The following NRXN3 variants were observed in gnomAD, a reference collection of about 807,000 sequenced individuals.
NRXN3 encodes neurexin III.
In NRXN3, 32 loss-of-function variants were observed where a neutral mutation model predicts 137.6. That is an observed-to-expected ratio of 0.23 (90% CI 0.18 to 0.31). The LOEUF (loss-of-function observed/expected upper bound fraction) is 0.31. Among genes scored for constraint, NRXN3 ranks in the 10% least tolerant of loss-of-function variants. The probability of loss-of-function intolerance (pLI) is 1.00; values close to 1 mark genes in which losing one functional copy is unlikely to be tolerated. For missense variants in NRXN3, 1,574 were observed against 2,062.5 expected (o/e 0.76, Z 4.59); for synonymous variants, 798 against 784.5 (o/e 1.02, Z -0.29).
chr14:78,544,807 G>C (rs1219615559), intron 4 of NRXN3, among the ~76,000 whole-genome samples: 1 of 152,158 alleles, frequency 6.6e-6, no homozygotes, highest in Non-Finnish European at 1.5e-5. Context: ...TGCATGACCT[G>C]CCAAATCTGA....
chr14:78,967,153 A>C (rs1256844090), intron 12 of NRXN3, 55 bp from the exon 13 acceptor site: 1 of 1,522,218 alleles, frequency 6.6e-7, no homozygotes, highest in East Asian at 2.4e-5. Context: ...ACATATAGCC[A>C]TTAAACCACT....
intron 1 of NRXN3, among the ~76,000 whole-genome samples, chr14:78,182,052 G>C (rs1020960711): frequency 6.7e-6 from 1 of 148,916 alleles, no homozygotes. Flanking sequence ...TATGATGAGT[G>C]TTCTGAAGGC....
Position 78,967,394 on chromosome 14 carries a change from G to A in NRXN3, c.2964G>A (p.Leu988=). ...QVINGAKNLD[L]KGDLYMAGLA... Reference sequence around the variant, plus strand: ...TCAATGGTGCCAAAAATCTGGATTTGAAAGGTAAACCTTGTAAAGAAATTT... The same window carrying A: ...TCAATGGTGCCAAAAATCTGGATTTAAAAGGTAAACCTTGTAAAGAAATTT... The change falls in exon 13 of 21, where the codon TTG becomes TTA. Residue 988 remains leucine, a synonymous_variant. Transcript: ENST00000335750. 6.2e-7 allele frequency: 1 copy of A among 1,612,280 alleles called. No individual in the cohort carries two copies. Among genetic ancestry groups the A allele is most frequent in the Non-Finnish European group, 8.5e-7 (1 of 1,178,660 alleles).
At chr14:79,668,772 A>T (rs1319501629) in intron 17 of NRXN3, among the ~76,000 whole-genome samples, 1 of 152,002 alleles carries the variant, frequency 6.6e-6, no homozygotes, top group Admixed American at 6.6e-5. Flanking sequence ...TACCCCCTGG[A>T]TGCCACTCTC....
At chr14:78,706,542 G>T (rs994687208) in intron 6 of NRXN3, among the ~76,000 whole-genome samples, 21 of 152,152 alleles carry the variant, frequency 1.4e-4, no homozygotes, top group African/African-American at 4.8e-4. Context: ...TTCAAGTCCT[G>T]CTCTGCCACT....
chr14:79,045,947 A>G (rs967691474), intron 15 of NRXN3, among the ~76,000 whole-genome samples: 2 of 152,216 alleles, frequency 1.3e-5, no homozygotes, highest in Non-Finnish European at 2.9e-5. Flanking sequence ...ATTCAAATAA[A>G]TGTTCCTGGT....
At chr14:79,228,779 G>GTTC (rs199828825) in intron 15 of NRXN3, among the ~76,000 whole-genome samples, 2,962 of 152,238 alleles carry the variant, frequency 0.019, 100 homozygotes, top group African/African-American at 0.068. Context: ...AACTTTGAAA[G>GTTC]TTCTTATAAA....
intron 16 of NRXN3, among the ~76,000 whole-genome samples, chr14:79,490,775 C>T (rs1055893891): frequency 7.9e-5 from 12 of 151,538 alleles, no homozygotes; most frequent in Admixed American, 1.3e-4. Context: ...TGACTGTAGT[C>T]GATAATAACT....
chr14:78,571,906 G>T (rs762764642), intron 4 of NRXN3, among the ~76,000 whole-genome samples: 1 of 152,140 alleles, frequency 6.6e-6, no homozygotes, highest in Admixed American at 6.5e-5. Context: ...GATTTCAAGG[G>T]TTCACAACTA....
chr14:79,128,358 C>T (rs1167391124), intron 15 of NRXN3, among the ~76,000 whole-genome samples: 1 of 147,326 alleles, frequency 6.8e-6, no homozygotes, highest in Non-Finnish European at 1.5e-5. Context: ...CCCATCAATA[C>T]CTAATTTATT....
At chr14:78,788,290 G>A (rs1443851684) in intron 8 of NRXN3, among the ~76,000 whole-genome samples, 8 of 151,820 alleles carry the variant, frequency 5.3e-5, no homozygotes, top group Admixed American at 2.6e-4. Flanking sequence ...GTATTATCAG[G>A]CATGGCTTGG....
chr14:79,363,238 G>T (rs2093751553), intron 15 of NRXN3, among the ~76,000 whole-genome samples: 1 of 152,298 alleles, frequency 6.6e-6, no homozygotes, highest in Non-Finnish European at 1.5e-5. Flanking sequence ...GACCTCAGGT[G>T]ATCCACCTGC....
At chr14:78,951,108 G>A (rs1351935578) in intron 10 of NRXN3, among the ~76,000 whole-genome samples, 1 of 152,046 alleles carries the variant, frequency 6.6e-6, no homozygotes, top group South Asian at 2.1e-4. Context: ...CATTTCTACT[G>A]TCTCCTAGTT....
chr14:78,307,257 A>T (rs1245646278), intron 4 of NRXN3, among the ~76,000 whole-genome samples: 1 of 152,092 alleles, frequency 6.6e-6, no homozygotes. Flanking sequence ...ATCAAGAAAT[A>T]GAATATGCCC....
At chr14:78,697,640 C>G (rs2098240266) in intron 6 of NRXN3, among the ~76,000 whole-genome samples, 1 of 151,922 alleles carries the variant, frequency 6.6e-6, no homozygotes, top group East Asian at 1.9e-4. Context: ...TATACCATCA[C>G]CTTGAAAGGG....
At chr14:79,682,251 A>G (rs1037844874) in intron 17 of NRXN3, among the ~76,000 whole-genome samples, 1 of 152,070 alleles carries the variant, frequency 6.6e-6, no homozygotes, top group African/African-American at 2.4e-5. Context: ...TTCTCTAGAC[A>G]TTTCTGTGAG....
At chr14:78,231,645 C>T (rs1020396608) in intron 1 of NRXN3, 4 of 152,186 alleles carry the variant, frequency 2.6e-5, no homozygotes, top group Non-Finnish European at 4.4e-5. Context: ...CTGAGATCTG[C>T]ACCCTTATTA....
intron 16 of NRXN3, among the ~76,000 whole-genome samples, chr14:79,628,002 TAAAAG>T (rs1218440942): frequency 2.6e-5 from 4 of 152,056 alleles, no homozygotes; most frequent in Admixed American, 6.6e-5. Context: ...TATTAGAAAA[TAAAAG>T]AAGATTAAAA....
chr14:78,235,753 C>T (rs2066204218), intron 1 of NRXN3, among the ~76,000 whole-genome samples: 1 of 152,146 alleles, frequency 6.6e-6, no homozygotes, highest in South Asian at 2.1e-4. Flanking sequence ...AGGCTGTTTC[C>T]CCTTCTTTTT....
Sources: allele counts gnomAD v4.1 joint callset (sites outside exome capture counted in the v4.1 genomes callset), GRCh38; gene constraint gnomAD v4.1.1; transcripts MANE v1.5; gene names NCBI Gene and HGNC (gene_info 2026-07-23, HGNC 2026-07-21).